Variants in THAP10 observed in about 807,000 individuals in gnomAD.
The protein encoded by THAP10 is THAP domain containing 10, also known as THAP domain-containing protein 10.
In THAP10, 10 loss-of-function variants were observed where a neutral mutation model predicts 15.7. The ratio of observed to expected loss-of-function variants is 0.64; its 90% CI spans 0.39 to 1.08. The LOEUF is 1.08. Among genes scored for constraint, THAP10 ranks in the 50% least tolerant of loss-of-function variants. The pLI is 0.01. For missense variants in THAP10, 310 were observed against 330.9 expected (o/e 0.94, Z 0.49); for synonymous variants, 127 against 129.1 (o/e 0.98, Z 0.11).
rs2033287692 is a variant in THAP10, at chr15:70,882,484, C to T, written c.744G>A (p.Met248Ile). 6.2e-7 allele frequency: 1 copy of T among 1,613,246 alleles called. No homozygotes were observed. Among genetic ancestry groups the T allele is most frequent in the Non-Finnish European group, 8.5e-7 (1 of 1,179,824 alleles). Residue 248 changes from methionine (M) to isoleucine (I), a missense_variant, in exon 3 of 3, where the codon ATG becomes ATA. Transcript: ENST00000249861. ...ATGTTTCTTCTTTCACCTGTACAGC[C>T]ATATAAGACAAATCACTCTGTTCAC... Reference protein sequence around the residue: ...IKSEQSDLSYMAVQVKEETC With the variant: ...IKSEQSDLSYIAVQVKEETC
At chr15:70,889,700 A>C (rs2033504066) in intron 1 of THAP10, among the ~76,000 whole-genome samples, 1 of 152,174 alleles carries the variant, frequency 6.6e-6, no homozygotes, top group East Asian at 1.9e-4. Context: ...GATATGTAAC[A>C]CTCATATTTA....
In THAP10 at chr15:70,892,401, T is replaced by C. The variant is rs2033619496; in HGVS notation, c.-129A>G. 6.5e-7 allele frequency: 1 copy of C among 1,541,670 alleles called. No individual in the cohort carries two copies. Among genetic ancestry groups the C allele is most frequent in the Non-Finnish European group, 8.7e-7 (1 of 1,146,408 alleles). ...TCCACTCCGGGTCGGGATTGTTTCC[T>C]TCCCTACCTCTGGTCACCGGAAGTG... On this transcript the variant is annotated 5_prime_UTR_variant, in exon 1 of 3. Transcript: ENST00000249861.
At chr15:70,884,224 G>C (rs527485798) in intron 1 of THAP10, among the ~76,000 whole-genome samples, 3 of 152,116 alleles carry the variant, frequency 2.0e-5, no homozygotes, top group Non-Finnish European at 2.9e-5. Context: ...CTGTATCATA[G>C]GCTATTGATA....
rs975926741 is a variant in THAP10, at chr15:70,892,158, C to G, written c.115G>C (p.Gly39Arg). The G allele has an allele frequency of 6.2e-7, 1 of 1,612,606 alleles. No individual in the cohort carries two copies. Among genetic ancestry groups the G allele is most frequent in the African/African-American group, 1.3e-5 (1 of 75,046 alleles). The part of the protein sequence containing the change: ...VRLLWDRFVR[G>R]CRADWYGGND... ...CCTCCGTACCAGTCGGCGCGGCAAC[C>G]CCGCACGAAGCGGTCCCAGAGCAGC... The change falls in exon 1 of 3, where the codon GGT becomes CGT. Residue 39 changes from glycine to arginine, a missense_variant. By Grantham distance (125) the Gly-to-Arg change is moderately radical. Transcript: ENST00000249861.
intron 1 of THAP10, among the ~76,000 whole-genome samples, chr15:70,887,130 T>TA (rs1195923281): frequency 2.0e-5 from 3 of 152,050 alleles, no homozygotes; most frequent in Non-Finnish European, 2.9e-5. Flanking sequence ...GAATCCATCA[T>TA]AAAAAACCTT....
At chr15:70,886,952 A>T (rs375020589) in intron 1 of THAP10, among the ~76,000 whole-genome samples, 16 of 152,240 alleles carry the variant, frequency 1.1e-4, no homozygotes, top group African/African-American at 3.6e-4. Flanking sequence ...CTCAAACAGA[A>T]TTTTTTTCAA....
At chr15:70,885,821 G>C (rs1298347903) in intron 1 of THAP10, among the ~76,000 whole-genome samples, 1 of 152,120 alleles carries the variant, frequency 6.6e-6, no homozygotes, top group Non-Finnish European at 1.5e-5. Flanking sequence ...ATTCCAAAAG[G>C]ATATAGGAAA....
chr15:70,883,225 CTT>C (rs1411719475), intron 1 of THAP10, among the ~76,000 whole-genome samples: 5 of 149,776 alleles, frequency 3.3e-5, no homozygotes, highest in Non-Finnish European at 7.4e-5. Context: ...GAGTTTTGCT[CTT>C]GTTGCCCAAG....
intron 1 of THAP10, among the ~76,000 whole-genome samples, chr15:70,887,129 A>AT (rs1263929235): frequency 6.6e-6 from 1 of 152,208 alleles, no homozygotes; most frequent in African/African-American, 2.4e-5. Flanking sequence ...TGAATCCATC[A>AT]TAAAAAACCT....
At chr15:70,888,922 G>T (rs1032974151) in intron 1 of THAP10, among the ~76,000 whole-genome samples, 4 of 152,128 alleles carry the variant, frequency 2.6e-5, no homozygotes, top group African/African-American at 9.7e-5. Flanking sequence ...CTCTGCAAAT[G>T]GACTCAGATG....
chr15:70,886,846 A>G (rs2033422179), intron 1 of THAP10, among the ~76,000 whole-genome samples: 1 of 151,972 alleles, frequency 6.6e-6, no homozygotes, highest in Non-Finnish European at 1.5e-5. Context: ...AGCCTGTGTG[A>G]CAGAGTGAGC....
In THAP10 at chr15:70,881,801, G is replaced by A. The variant is rs1246494791; in HGVS notation, c.*653C>T. On this transcript the variant is annotated 3_prime_UTR_variant, in exon 3 of 3. Transcript: ENST00000249861. The stretch of plus-strand genomic sequence containing the variant: ...TAATTAATGTGTCGCAGTAAGCACT[G>A]ATGCAAACAGATTTCATTAATAAGT... 1 of 152,170 alleles carries A rather than the reference G, an allele frequency of 6.6e-6. No homozygotes were observed. Among genetic ancestry groups the A allele is most frequent in the Non-Finnish European group, 1.5e-5 (1 of 68,030 alleles). The allele number at this position is 152,170 out of a possible 1,614,324, so 9.4% of individuals were successfully genotyped here. A position where few individuals can be genotyped will look rare whatever the true frequency, so the allele number is the denominator to read the frequency against.
At chr15:70,891,618 T>TGTGA (rs930540936) in intron 1 of THAP10, among the ~76,000 whole-genome samples, 8 of 127,564 alleles carry the variant, frequency 6.3e-5, no homozygotes, top group East Asian at 4.7e-4. Context: ...TGTGTGTGTG[T>TGTGA]GAGTTTTGGG....
rs959235875 is a variant in THAP10, at chr15:70,891,747, C to T, written c.429+97G>A. On this transcript the variant is annotated intron_variant, in intron 1 of 2. Transcript: ENST00000249861. ...AACTTTGCAGATTAGAAAACAGGAACTTTCGAGATGAGGTGCCTTTCCCAA... is the reference window on the plus strand; with the variant it reads ...AACTTTGCAGATTAGAAAACAGGAATTTTCGAGATGAGGTGCCTTTCCCAA... 52 of 1,158,030 alleles carry T rather than the reference C, an allele frequency of 4.5e-5. No individual in the cohort carries two copies. In the African/African-American group the frequency reaches 7.9e-4, roughly 18 times the overall value. The allele number at this position is 1,158,030 out of a possible 1,614,324, so 71.7% of individuals were successfully genotyped here. A position where few individuals can be genotyped will look rare whatever the true frequency, so the allele number is the denominator to read the frequency against.
intron 1 of THAP10, among the ~76,000 whole-genome samples, chr15:70,886,050 G>C (rs1343963497): frequency 6.6e-6 from 1 of 151,970 alleles, no homozygotes; most frequent in African/African-American, 2.4e-5. Flanking sequence ...CCAGAGATAC[G>C]GGAATTAAAA....
At chr15:70,885,679 A>G (rs1403118628) in intron 1 of THAP10, among the ~76,000 whole-genome samples, 3 of 152,214 alleles carry the variant, frequency 2.0e-5, no homozygotes, top group Non-Finnish European at 4.4e-5. Flanking sequence ...CATACCTAAT[A>G]ACATTGCTAA....
intron 1 of THAP10, among the ~76,000 whole-genome samples, chr15:70,891,550 C>T (rs573342903): frequency 1.3e-5 from 2 of 148,936 alleles, no homozygotes; most frequent in Admixed American, 6.8e-5. Context: ...CAACTCACTA[C>T]TCTGCAGGAC....
intron 1 of THAP10, among the ~76,000 whole-genome samples, chr15:70,890,589 G>A (rs2033528439): frequency 6.6e-6 from 1 of 152,120 alleles, no homozygotes; most frequent in African/African-American, 2.4e-5. Context: ...TTATTTCATG[G>A]CAATTATGGT....
At chr15:70,888,267 T>G (rs2033462881) in intron 1 of THAP10, among the ~76,000 whole-genome samples, 1 of 152,126 alleles carries the variant, frequency 6.6e-6, no homozygotes, top group South Asian at 2.1e-4. Flanking sequence ...ATTAATCAAT[T>G]GAATATTCTT....
Sources: gnomAD v4.1 joint callset for allele counts (sites outside exome capture counted in the v4.1 genomes callset) on GRCh38, gnomAD v4.1.1 for gene constraint, MANE v1.5 for transcripts, NCBI Gene and HGNC (gene_info 2026-07-23, HGNC 2026-07-21) for gene names.